The following MTCL2 variants were observed in gnomAD, a reference collection of about 807,000 sequenced individuals.
MTCL2 encodes microtubule crosslinking factor 2, also known as microtubule cross-linking factor 2.
chr20:36,857,821 GAAC>G, the MTCL2 span, among the ~76,000 whole-genome samples: 4 of 152,286 alleles, frequency 2.6e-5, no homozygotes, highest in Middle Eastern at 3.4e-3. Context: ...ATGCCTGGAG[GAAC>G]GGATAAGGGA....
chr20:36,851,441 C>T, the MTCL2 span, among the ~76,000 whole-genome samples: 1 of 152,318 alleles, frequency 6.6e-6, no homozygotes, highest in African/African-American at 2.4e-5. Flanking sequence ...TCATCTCCCT[C>T]GACGCCTCCT....
At chr20:36,815,381 G>A in the MTCL2 span, 6 of 1,613,442 alleles carry the variant, frequency 3.7e-6, no homozygotes, top group African/African-American at 1.3e-5. The surrounding 1 kb of genome is among the most constrained non-coding windows in gnomAD (Gnocchi z 5.3). Flanking sequence ...CAGCACACTC[G>A]TTGTCCAGAC....
At chr20:36,797,024 G>T in the MTCL2 span, 2 of 1,338,440 alleles carry the variant, frequency 1.5e-6, no homozygotes, top group Non-Finnish European at 2.2e-6. Context: ...CAAGAGACCA[G>T]CCCCGACCTC....
the MTCL2 span, among the ~76,000 whole-genome samples, chr20:36,838,669 A>T: frequency 6.6e-6 from 1 of 151,788 alleles, no homozygotes; most frequent in Non-Finnish European, 1.5e-5. Flanking sequence ...TTGATACTCA[A>T]TAAACAGTAG....
chr20:36,837,692 C>T, the MTCL2 span, among the ~76,000 whole-genome samples: 9 of 151,774 alleles, frequency 5.9e-5, no homozygotes, highest in Non-Finnish European at 1.3e-4. Flanking sequence ...ATTCTCCTGT[C>T]TCAGCCCCTG....
At chr20:36,816,082 C>T in the MTCL2 span, 1 of 1,613,658 alleles carries the variant, frequency 6.2e-7, no homozygotes, top group Non-Finnish European at 8.5e-7. Flanking sequence ...GCTTCCTCCT[C>T]CACCAGCTTC....
At chr20:36,856,599 G>T in the MTCL2 span, among the ~76,000 whole-genome samples, 1 of 152,182 alleles carries the variant, frequency 6.6e-6, no homozygotes, top group Non-Finnish European at 1.5e-5. Flanking sequence ...GGGGGACTTC[G>T]GTGTAGCTTC....
chr20:36,814,986 C>T, the MTCL2 span: 1 of 781,516 alleles, frequency 1.3e-6, no homozygotes, highest in Non-Finnish European at 2.0e-6. Context: ...GGCTAGAGCC[C>T]AGGATATCGA....
chr20:36,807,348 A>G, the MTCL2 span, among the ~76,000 whole-genome samples: 8 of 152,130 alleles, frequency 5.3e-5, no homozygotes, highest in African/African-American at 1.7e-4. Context: ...AGGCATGCCA[A>G]TGCTCCCTAC....
the MTCL2 span, among the ~76,000 whole-genome samples, chr20:36,835,101 T>C: frequency 2.0e-5 from 3 of 152,138 alleles, no homozygotes; most frequent in Non-Finnish European, 4.4e-5. Flanking sequence ...CACAAAAACC[T>C]CTAGAGGGAG....
chr20:36,810,065 G>T, the MTCL2 span: 1 of 1,598,848 alleles, frequency 6.3e-7, no homozygotes. Flanking sequence ...AAGCCCCGGA[G>T]GCTGTCGTGG....
At chr20:36,859,608 G>A in the MTCL2 span, 2 of 1,231,672 alleles carry the variant, frequency 1.6e-6, no homozygotes, top group Non-Finnish European at 2.0e-6. Flanking sequence ...CTTCTCACTG[G>A]GAGAGAGTTG....
the MTCL2 span, among the ~76,000 whole-genome samples, chr20:36,840,331 ATT>A: frequency 7.0e-6 from 1 of 142,004 alleles, no homozygotes; most frequent in Admixed American, 7.0e-5. Context: ...CGCCTGGCTA[ATT>A]TTTTTTTTTT....
chr20:36,839,578 C>T, the MTCL2 span: 10 of 699,508 alleles, frequency 1.4e-5, no homozygotes, highest in South Asian at 9.8e-5. The surrounding 1 kb of genome is among the most constrained non-coding windows in gnomAD (Gnocchi z 5.1). Flanking sequence ...CCTCCAAAGA[C>T]GTCCATGTTC....
At chr20:36,801,432 A>C in the MTCL2 span, among the ~76,000 whole-genome samples, 2 of 152,098 alleles carry the variant, frequency 1.3e-5, no homozygotes, top group African/African-American at 4.8e-5. Flanking sequence ...AAACCCTGTA[A>C]ATATAAATTT....
the MTCL2 span, among the ~76,000 whole-genome samples, chr20:36,849,060 C>CTTTTTTTTTTTTTTTTTTTTTTTT: frequency 6.4e-5 from 4 of 62,238 alleles, 1 homozygote; most frequent in Non-Finnish European, 8.1e-5. Flanking sequence ...AGTTGGTTTC[C>CTTTTTTTTTTTTTTTTTTTTTTTT]TTTTTTTTTT....
the MTCL2 span, among the ~76,000 whole-genome samples, chr20:36,811,796 G>A: frequency 6.6e-6 from 1 of 152,124 alleles, no homozygotes; most frequent in Non-Finnish European, 1.5e-5. Flanking sequence ...GTCATGGGCT[G>A]ACCTTCCTGG....
the MTCL2 span, among the ~76,000 whole-genome samples, chr20:36,790,738 C>CTT: frequency 4.2e-3 from 574 of 135,918 alleles, 5 homozygotes; most frequent in African/African-American, 0.015. Context: ...TGCCTGGCCT[C>CTT]TTTTTTTTTT....
At chr20:36,828,133 C>T in the MTCL2 span, among the ~76,000 whole-genome samples, 36 of 152,334 alleles carry the variant, frequency 2.4e-4, no homozygotes, top group African/African-American at 6.5e-4. Flanking sequence ...GAAGAATGCA[C>T]GATCCTCATA....
Sources: gnomAD v4.1 joint callset for allele counts (sites outside exome capture counted in the v4.1 genomes callset) on GRCh38, gnomAD v4.1.1 for gene constraint, Gnocchi (gnomAD v3.1) non-coding constraint, MANE v1.5 for transcripts, NCBI Gene and HGNC (gene_info 2026-07-23, HGNC 2026-07-21) for gene names.